The following PRLR variants were observed in gnomAD, a reference collection of about 807,000 sequenced individuals.
The protein encoded by PRLR is hPRL receptor.
PRLR carries 13 observed loss-of-function variants against 40.2 expected under a neutral mutation model. The observed-to-expected ratio is 0.32, with a 90% CI of 0.21 to 0.51. PRLR has a LOEUF of 0.51. Among genes scored for constraint, PRLR ranks in the 20% least tolerant of loss-of-function variants. PRLR has a pLI of 0.97. For synonymous variants in PRLR, 269 were observed against 278.7 expected, an observed-to-expected ratio of 0.97 and a Z score of 0.35; for missense variants, 656 against 747.3, an observed-to-expected ratio of 0.88 and a Z score of 1.42.
At chr5:35,203,124 G>A (rs1012725888) in intron 1 of PRLR, among the ~76,000 whole-genome samples, 1 of 152,148 alleles carries the variant, frequency 6.6e-6, no homozygotes, top group Non-Finnish European at 1.5e-5. Flanking sequence ...CCTCCAACTG[G>A]CTCTGAAAGG....
At chr5:35,116,751 T>G (rs1301387072) in intron 2 of PRLR, among the ~76,000 whole-genome samples, 1 of 152,208 alleles carries the variant, frequency 6.6e-6, no homozygotes, top group Admixed American at 6.5e-5. Context: ...TATTATGCTG[T>G]GGGGCACTCT....
At chr5:35,048,775 G>T in exon 9 of PRLR, 1 of 205,866 alleles carries the variant, frequency 4.9e-6, no homozygotes, top group Non-Finnish European at 1.0e-5. Context: ...ATGTTTTTAA[G>T]ATCCAACCAG....
At chr5:35,143,508 C>T (rs994340408) in intron 1 of PRLR, among the ~76,000 whole-genome samples, 1 of 152,206 alleles carries the variant, frequency 6.6e-6, no homozygotes, top group Non-Finnish European at 1.5e-5. Context: ...CTTACAGACA[C>T]ACAAACCTCG....
At chr5:35,194,031 T>G (rs1216565087) in intron 1 of PRLR, among the ~76,000 whole-genome samples, 1 of 152,186 alleles carries the variant, frequency 6.6e-6, no homozygotes, top group Non-Finnish European at 1.5e-5. Context: ...GGTGAATTCC[T>G]GGCTCAGGAG....
chr5:35,059,759 T>C lies in PRLR; in HGVS notation c.*5330A>G, dbSNP rs1287583109. ...AATAAGTTCAGATCATAATTATAAA[T>C]AGGATTTCTCTGAAGCAATCAATCT... is the stretch of plus-strand genomic sequence containing the variant. On this transcript the variant is annotated 3_prime_UTR_variant, in exon 10 of 10. Coordinates refer to ENST00000618457, the MANE Select transcript of PRLR (RefSeq NM_000949.7). 1.3e-5 allele frequency: 2 copies of C among 152,206 alleles called. No homozygotes were observed. Among genetic ancestry groups the C allele is most frequent in the Non-Finnish European group, 2.9e-5 (2 of 68,032 alleles). 9.4% of individuals were successfully genotyped at this position (152,206 alleles called of 1,614,324 possible).
intron 1 of PRLR, among the ~76,000 whole-genome samples, chr5:35,123,189 A>G (rs1773347685): frequency 6.6e-6 from 1 of 152,206 alleles, no homozygotes; most frequent in Non-Finnish European, 1.5e-5. Flanking sequence ...AGTGGATTGT[A>G]AAGTGATTTT....
intron 1 of PRLR, among the ~76,000 whole-genome samples, chr5:35,173,465 C>A (rs1452400766): frequency 6.6e-6 from 1 of 152,156 alleles, no homozygotes; most frequent in African/African-American, 2.4e-5. Context: ...CTTCAGGACC[C>A]CGCACAGCTC....
chr5:35,106,040 C>A (rs1001003431), intron 2 of PRLR, among the ~76,000 whole-genome samples: 1 of 152,246 alleles, frequency 6.6e-6, no homozygotes, highest in African/African-American at 2.4e-5. Context: ...GGCAGAAACT[C>A]TGCAAGCCAG....
intron 1 of PRLR, chr5:35,152,654 C>T (rs546765392): frequency 9.8e-5 from 15 of 152,304 alleles, no homozygotes; most frequent in Middle Eastern, 6.8e-3. Flanking sequence ...ACTTTGTAGG[C>T]CAGTTTCATT....
At chr5:35,169,963 G>T (rs879443283) in intron 1 of PRLR, among the ~76,000 whole-genome samples, 3 of 152,122 alleles carry the variant, frequency 2.0e-5, no homozygotes, top group Non-Finnish European at 2.9e-5. Context: ...ATGAGGCTCG[G>T]TCTCTGTGAT....
chr5:35,208,795 G>T (rs1390545845), intron 1 of PRLR, among the ~76,000 whole-genome samples: 4 of 151,988 alleles, frequency 2.6e-5, no homozygotes, highest in Non-Finnish European at 4.4e-5. Context: ...TTAAGAAAAT[G>T]TTGAGAGTCA....
In PRLR at chr5:35,068,235, A is replaced by C; in HGVS notation, c.836T>G (p.Phe279Cys). ...PPVPGPKIKG[F>C]DAHLLEKGKS... ...ACTTACCTCCAACAGATGAGCATCA[A>C]ATCCTTTTATTTTTGGCCCAGGAAC... Residue 279 changes from phenylalanine to cysteine, a missense_variant, in exon 9 of 10, where the codon TTT becomes TGT. Phe to Cys is a radical substitution (Grantham distance 205). Coordinates refer to ENST00000618457, the MANE Select transcript of PRLR (RefSeq NM_000949.7). 6.2e-7 allele frequency: 1 copy of C among 1,613,138 alleles called. No homozygotes were observed. Among genetic ancestry groups the C allele is most frequent in the Non-Finnish European group, 8.5e-7 (1 of 1,179,106 alleles).
chr5:35,099,211 G>A (rs1771709318), intron 2 of PRLR, among the ~76,000 whole-genome samples: 1 of 152,028 alleles, frequency 6.6e-6, no homozygotes, highest in East Asian at 1.9e-4. Flanking sequence ...CTCTGAAAGT[G>A]GGTAGAAATA....
intron 5 of PRLR, among the ~76,000 whole-genome samples, chr5:35,073,884 A>G (rs901801842): frequency 3.9e-5 from 6 of 152,216 alleles, no homozygotes; most frequent in Non-Finnish European, 7.3e-5. Context: ...TTAAAAAATG[A>G]AACATAACAA....
In PRLR at chr5:35,187,066, C is replaced by A. The variant is rs557712953; in HGVS notation, c.-106+43202G>T. On this transcript the variant is annotated intron_variant, in intron 1 of 9. Transcript: ENST00000618457. Reference sequence around the variant, plus strand: ...AGTAGCTGCAGGATCCTGGGCAAGCCGGTCTCCTGATCAGTAAAATGGGTA... The same window carrying A: ...AGTAGCTGCAGGATCCTGGGCAAGCAGGTCTCCTGATCAGTAAAATGGGTA... Among the ~76,000 whole-genome samples, 15 of 152,236 alleles carry A rather than the reference C, an allele frequency of 9.9e-5. No homozygotes were observed. The South Asian group carries it at 3.1e-3, about 32-fold the overall frequency.
At chr5:35,070,595 G>A (rs1444399514) in intron 6 of PRLR, among the ~76,000 whole-genome samples, 1 of 152,070 alleles carries the variant, frequency 6.6e-6, no homozygotes, top group African/African-American at 2.4e-5. Flanking sequence ...TGTAATCCCA[G>A]CACTTTGGGA....
chr5:35,125,844 G>A (rs967198243), intron 1 of PRLR, among the ~76,000 whole-genome samples: 5 of 152,168 alleles, frequency 3.3e-5, no homozygotes, highest in African/African-American at 4.8e-5. Flanking sequence ...GTTAGCAGGC[G>A]ATGGGTTTTA....
Position 35,066,122 on chromosome 5 carries a change from A to G in PRLR, c.856-20T>C. 1 of 1,602,498 alleles carries G rather than the reference A, an allele frequency of 6.2e-7. No individual in the cohort carries two copies. The highest frequency in any genetic ancestry group is 8.5e-7 in the Non-Finnish European group (1 of 1,172,534). ...GCCCTTCTATTAAAACACAGACACA[A>G]GAAGAGATGGCTGTTAGCTTCATAA... On this transcript the variant is annotated intron_variant, in intron 9 of 9. Transcript: ENST00000618457.
intron 1 of PRLR, among the ~76,000 whole-genome samples, chr5:35,163,893 C>T (rs1774746599): frequency 6.6e-6 from 1 of 152,108 alleles, no homozygotes; most frequent in African/African-American, 2.4e-5. Context: ...GACACTGTGA[C>T]AAATAGATGG....
Sources: allele counts gnomAD v4.1 joint callset (sites outside exome capture counted in the v4.1 genomes callset), GRCh38; gene constraint gnomAD v4.1.1; transcripts MANE v1.5; gene names NCBI Gene and HGNC (gene_info 2026-07-23, HGNC 2026-07-21).